The following MAP4K4 variants were observed in gnomAD, a reference collection of about 807,000 sequenced individuals.
MAP4K4 encodes the protein mitogen-activated protein kinase kinase kinase kinase 4, also known as HPK/GCK-like kinase HGK.
In MAP4K4, 38 loss-of-function variants were observed where a neutral mutation model predicts 189.6. The observed-to-expected ratio is 0.20, with a 90% CI of 0.15 to 0.26. The LOEUF is 0.26. Among genes scored for constraint, MAP4K4 ranks in the 10% least tolerant of loss-of-function variants. MAP4K4 has a pLI of 1.00. For synonymous variants in MAP4K4, 610 were observed against 624.3 expected, an observed-to-expected ratio of 0.98 and a Z score of 0.34; for missense variants, 1,054 against 1,726.9, an observed-to-expected ratio of 0.61 and a Z score of 6.91.
intron 2 of MAP4K4, among the ~76,000 whole-genome samples, chr2:101,737,443 ATATATATATATATATATATTTTTTTT>A (rs1390587754): frequency 3.2e-4 from 11 of 34,404 alleles, no homozygotes; most frequent in Non-Finnish European, 5.0e-5. Context: ...ATATATATAT[ATATATATATATATATATATTTTTTTT>A]TTTTTTTTTT....
chr2:101,817,096 T>A (rs931696302), intron 3 of MAP4K4, among the ~76,000 whole-genome samples: 2 of 152,028 alleles, frequency 1.3e-5, no homozygotes, highest in African/African-American at 4.8e-5. Flanking sequence ...ATTTCTCCCC[T>A]CCTCCTCAAT....
chr2:101,755,923 CTTTTTCTTTTTTTTTTTTTTTTTTT>C (rs2072343262), intron 2 of MAP4K4, among the ~76,000 whole-genome samples: 1 of 77,182 alleles, frequency 1.3e-5, no homozygotes, highest in African/African-American at 4.1e-5. Flanking sequence ...AGTATGAGTT[CTTTTTCTTTTTTTTTTTTTTTTTTT>C]TTTTTTTTTT....
intron 14 of MAP4K4, 74 bp downstream of exon 14, chr2:101,859,156 G>A: frequency 7.3e-7 from 1 of 1,375,458 alleles, no homozygotes; most frequent in Non-Finnish European, 1.0e-6. Context: ...GCAAGCTGTG[G>A]TGGTCACCAG....
rs186653629 is a variant in MAP4K4 at position 101,741,011 on chromosome 2, A to G, written c.123+42473A>G. Among the ~76,000 whole-genome samples, 11 of 152,286 alleles carry G rather than the reference A, an allele frequency of 7.2e-5. No individual in the cohort carries two copies. In the East Asian group the frequency reaches 1.7e-3, roughly 24 times the overall value. On this transcript the variant is annotated intron_variant, in intron 2 of 32. Coordinates refer to ENST00000324219, the Ensembl canonical transcript of MAP4K4. The stretch of plus-strand genomic sequence containing the variant: ...GATGAGACTGAGGTTTAGAGAGGTT[A>G]TTTATCACTTAAAGCCATAAAGAGT...
intron 2 of MAP4K4, among the ~76,000 whole-genome samples, chr2:101,763,170 A>G (rs1286575048): frequency 1.3e-5 from 2 of 152,176 alleles, no homozygotes; most frequent in East Asian, 1.9e-4. Context: ...GTCTTCCAGG[A>G]AAGAATCCTG....
intron 3 of MAP4K4, among the ~76,000 whole-genome samples, chr2:101,798,003 C>A (rs544143707): frequency 7.5e-5 from 11 of 146,858 alleles, no homozygotes; most frequent in African/African-American, 2.7e-4. Flanking sequence ...CATCGTACCT[C>A]AAATTCCTAG....
At chr2:101,748,669 C>T (rs1286114983) in intron 2 of MAP4K4, among the ~76,000 whole-genome samples, 1 of 151,962 alleles carries the variant, frequency 6.6e-6, no homozygotes, top group East Asian at 1.9e-4. Context: ...TTAGCTAGGA[C>T]AAGAGAAGGA....
intron 13 of MAP4K4, among the ~76,000 whole-genome samples, chr2:101,858,334 C>G (rs777073369): frequency 6.6e-6 from 1 of 152,184 alleles, no homozygotes; most frequent in Non-Finnish European, 1.5e-5. Context: ...TCATTCTCTT[C>G]TCATTGAAAA....
At chr2:101,842,725 TTAAG>T (rs2149569920) in intron 11 of MAP4K4, 44 bp downstream of exon 11, 1 of 1,500,772 alleles carries the variant, frequency 6.7e-7, no homozygotes, top group African/African-American at 1.4e-5. Flanking sequence ...TATGAAGGGA[TTAAG>T]TTTTATGTTG....
chr2:101,870,718 A>C (rs2097974467), intron 23 of MAP4K4: 2 of 272,528 alleles, frequency 7.3e-6, no homozygotes, highest in South Asian at 4.1e-5. Context: ...GGGAGTCCTT[A>C]AACAGGCTCA....
At position 101,871,695 on chromosome 2, in the gene MAP4K4, G is replaced by T. The variant is rs1042433438; in HGVS notation, c.2952+10G>T. 3.3e-6 allele frequency: 5 copies of T among 1,534,298 alleles called. No homozygotes were observed. Among genetic ancestry groups the T allele is most frequent in the Non-Finnish European group, 4.4e-6 (5 of 1,145,474 alleles). On this transcript the variant is annotated intron_variant, in intron 24 of 32. Coordinates refer to ENST00000324219, the Ensembl canonical transcript of MAP4K4. ...GCTCACTGCTAATGAGGTATGTCTC[G>T]CACCACAGCTGGCTGCTTTCCTGGG... is the stretch of plus-strand genomic sequence containing the variant.
chr2:101,862,847 T>C (rs1452201284), intron 16 of MAP4K4, among the ~76,000 whole-genome samples: 3 of 152,246 alleles, frequency 2.0e-5, no homozygotes, highest in South Asian at 2.1e-4. Flanking sequence ...AATCATACAA[T>C]AGAACTAATT....
chr2:101,848,320 C>T (rs993436156), intron 12 of MAP4K4, among the ~76,000 whole-genome samples: 3 of 152,032 alleles, frequency 2.0e-5, no homozygotes, highest in African/African-American at 7.3e-5. Flanking sequence ...ATTTTTTGAC[C>T]CAAGGTTGGT....
chr2:101,869,722 C>T (rs1460511369), exon 22 of MAP4K4: 7 of 1,598,806 alleles, frequency 4.4e-6, no homozygotes, highest in African/African-American at 1.3e-5. Context: ...TCGGGGACGA[C>T]GGATGAGGAG....
At chr2:101,796,504 C>T (rs1420920295) in intron 3 of MAP4K4, among the ~76,000 whole-genome samples, 3 of 152,186 alleles carry the variant, frequency 2.0e-5, no homozygotes, top group African/African-American at 7.2e-5. Context: ...GAATTAGAAC[C>T]TGGATCTTTG....
chr2:101,770,099 TG>T (rs2080578818), intron 2 of MAP4K4, among the ~76,000 whole-genome samples: 1 of 152,234 alleles, frequency 6.6e-6, no homozygotes, highest in Non-Finnish European at 1.5e-5. Flanking sequence ...TCAGTTACTC[TG>T]AGTTTATCAT....
chr2:101,737,426 G>GAGATATATATATATAT (rs1434782918), intron 2 of MAP4K4, among the ~76,000 whole-genome samples: 1 of 29,998 alleles, frequency 3.3e-5, no homozygotes, highest in African/African-American at 1.5e-4. Flanking sequence ...CCTATTGTGA[G>GAGATATATATATATAT]ATATATATAT....
chr2:101,887,369 G>T, intron 30 of MAP4K4, 132 bp downstream of exon 30: 1 of 871,534 alleles, frequency 1.1e-6, no homozygotes, highest in Non-Finnish European at 1.7e-6. Context: ...GTATTTAAAT[G>T]ATACGCAATT....
intron 9 of MAP4K4, among the ~76,000 whole-genome samples, chr2:101,836,499 A>T (rs1296022783): frequency 2.0e-5 from 3 of 152,068 alleles, no homozygotes; most frequent in Admixed American, 2.0e-4. Context: ...GAGGCAGGAG[A>T]ATCGCTGGAA....
Sources: gnomAD v4.1 joint callset for allele counts (sites outside exome capture counted in the v4.1 genomes callset) on GRCh38, gnomAD v4.1.1 for gene constraint, MANE v1.5 for transcripts, NCBI Gene and HGNC (gene_info 2026-07-23, HGNC 2026-07-21) for gene names.